HS6ST3: variants seen among roughly 807,000 people sequenced by gnomAD.
HS6ST3 encodes heparan-sulfate 6-O-sulfotransferase 3.
Under a neutral mutation model 36.7 loss-of-function variants are expected in HS6ST3, and 12 were observed. The ratio of observed to expected loss-of-function variants is 0.33; its 90% CI spans 0.21 to 0.53. The LOEUF is 0.53. Ranked by LOEUF, HS6ST3 falls within the 20% of genes least tolerant of loss-of-function variation. The pLI is 0.95. For missense variants in HS6ST3, 584 were observed against 640.9 expected, an observed-to-expected ratio of 0.91 and a Z score of 0.96; for synonymous variants, 240 against 257.5, an observed-to-expected ratio of 0.93 and a Z score of 0.65.
In HS6ST3 at chr13:96,199,853, A is replaced by AT. The variant is rs35926456; in HGVS notation, c.707+108295dup. On this transcript the variant is annotated intron_variant, in intron 1 of 1. Coordinates refer to ENST00000376705, the MANE Select transcript of HS6ST3 (RefSeq NM_153456.4). Reference sequence around the variant, plus strand: ...AAAGGATGTGCAGATTCTGGCTCATATTTTTTTTTTTATATAGCTTTCTAG... The same window carrying AT: ...AAAGGATGTGCAGATTCTGGCTCATATTTTTTTTTTTTATATAGCTTTCTAG... Among the ~76,000 whole-genome samples, 170 of 146,986 alleles carry AT rather than the reference A, an allele frequency of 1.2e-3. 5 individuals are homozygous for AT. The East Asian group carries it at 0.014, about 12-fold the overall frequency.
At chr13:96,145,360 A>T (rs1473348034) in intron 1 of HS6ST3, among the ~76,000 whole-genome samples, 2 of 150,414 alleles carry the variant, frequency 1.3e-5, no homozygotes, top group Middle Eastern at 3.2e-3. Context: ...CTGGTGTGAG[A>T]TGGTATCTCA....
chr13:96,201,328 G>A (rs1406754850), intron 1 of HS6ST3, among the ~76,000 whole-genome samples: 1 of 152,034 alleles, frequency 6.6e-6, no homozygotes, highest in Non-Finnish European at 1.5e-5. Context: ...TCCTTGCGTG[G>A]AGGAAGCCAT....
chr13:96,750,403 G>A (rs914385364), intron 1 of HS6ST3, among the ~76,000 whole-genome samples: 1 of 152,166 alleles, frequency 6.6e-6, no homozygotes, highest in African/African-American at 2.4e-5. Context: ...TTCCTCACTG[G>A]GTGAAGGAGA....
At chr13:96,384,782 A>G (rs1036122038) in intron 1 of HS6ST3, among the ~76,000 whole-genome samples, 5 of 152,156 alleles carry the variant, frequency 3.3e-5, no homozygotes, top group African/African-American at 1.2e-4. Context: ...GATTGCATCC[A>G]CTTACTACCC....
chr13:96,539,620 G>T (rs979763095), intron 1 of HS6ST3, among the ~76,000 whole-genome samples: 1 of 152,136 alleles, frequency 6.6e-6, no homozygotes, highest in Non-Finnish European at 1.5e-5. Context: ...CTCCCAAAGT[G>T]CTGGGATTAC....
chr13:96,184,576 A>G (rs988856801), intron 1 of HS6ST3, among the ~76,000 whole-genome samples: 5 of 152,032 alleles, frequency 3.3e-5, no homozygotes, highest in Admixed American at 2.0e-4. Flanking sequence ...CTGTTCTTCA[A>G]TCATGTCCTT....
intron 1 of HS6ST3, among the ~76,000 whole-genome samples, chr13:96,139,541 GAAAAAAAAAA>G (rs57777280): frequency 9.1e-5 from 6 of 66,264 alleles, no homozygotes; most frequent in Admixed American, 4.7e-4. Context: ...GTAAGATTCA[GAAAAAAAAAA>G]AAAAAAAAAA....
intron 1 of HS6ST3, among the ~76,000 whole-genome samples, chr13:96,536,236 G>T (rs2056154830): frequency 6.6e-6 from 1 of 152,146 alleles, no homozygotes; most frequent in African/African-American, 2.4e-5. Flanking sequence ...GTATCTCTTG[G>T]AAACACTTAG....
chr13:96,557,912 C>G (rs1402884247), intron 1 of HS6ST3, among the ~76,000 whole-genome samples: 2 of 152,156 alleles, frequency 1.3e-5, no homozygotes, highest in Non-Finnish European at 2.9e-5. Context: ...CTCTCTGTCC[C>G]TCAATTTACT....
At chr13:96,535,852 C>T (rs2056153266) in intron 1 of HS6ST3, among the ~76,000 whole-genome samples, 1 of 152,106 alleles carries the variant, frequency 6.6e-6, no homozygotes, top group African/African-American at 2.4e-5. Context: ...AAGCAAAGTC[C>T]CTTTCCTAAT....
chr13:96,147,961 C>T (rs932602227), intron 1 of HS6ST3, among the ~76,000 whole-genome samples: 3 of 152,166 alleles, frequency 2.0e-5, no homozygotes, highest in African/African-American at 7.2e-5. Context: ...GGACAATTTT[C>T]AAATTGCAAA....
chr13:96,538,224 A>G (rs1387624579), intron 1 of HS6ST3, among the ~76,000 whole-genome samples: 1 of 152,248 alleles, frequency 6.6e-6, no homozygotes, highest in Non-Finnish European at 1.5e-5. Context: ...GCAGAAACAG[A>G]TGCTATTTTA....
At chr13:96,144,637 A>T (rs1012896346) in intron 1 of HS6ST3, among the ~76,000 whole-genome samples, 1 of 151,502 alleles carries the variant, frequency 6.6e-6, no homozygotes, top group Admixed American at 6.6e-5. Flanking sequence ...TATTTTATTT[A>T]ATTAATTTTT....
intron 1 of HS6ST3, among the ~76,000 whole-genome samples, chr13:96,383,992 G>C (rs896845817): frequency 6.6e-6 from 1 of 152,178 alleles, no homozygotes; most frequent in Non-Finnish European, 1.5e-5. Flanking sequence ...GCTCACAACA[G>C]TGTGGGAGTG....
chr13:96,110,712 C>A (rs931304195), intron 1 of HS6ST3, among the ~76,000 whole-genome samples: 6 of 152,132 alleles, frequency 3.9e-5, no homozygotes, highest in African/African-American at 1.4e-4. Context: ...GCGTGAGCCA[C>A]CACGCCTGGC....
At chr13:96,163,203 G>C (rs1594700059) in intron 1 of HS6ST3, among the ~76,000 whole-genome samples, 1 of 148,468 alleles carries the variant, frequency 6.7e-6, no homozygotes. Context: ...GTGCATTCTG[G>C]TGTTTAAGTC....
At chr13:96,758,099 A>G (rs1876877966) in intron 1 of HS6ST3, among the ~76,000 whole-genome samples, 1 of 151,876 alleles carries the variant, frequency 6.6e-6, no homozygotes, top group Non-Finnish European at 1.5e-5. Flanking sequence ...TTTATTATGA[A>G]TTTAATTCCT....
chr13:96,188,650 C>T (rs1433963975), intron 1 of HS6ST3, among the ~76,000 whole-genome samples: 1 of 152,110 alleles, frequency 6.6e-6, no homozygotes, highest in Non-Finnish European at 1.5e-5. Context: ...TGTGAGTCCT[C>T]AAAATGGCAT....
At chr13:96,610,217 C>G (rs886440680) in intron 1 of HS6ST3, among the ~76,000 whole-genome samples, 2 of 152,120 alleles carry the variant, frequency 1.3e-5, no homozygotes, top group African/African-American at 4.8e-5. Context: ...AATTAGCTAC[C>G]CTTCTGGGTC....
Sources: allele counts gnomAD v4.1 joint callset (sites outside exome capture counted in the v4.1 genomes callset), GRCh38; gene constraint gnomAD v4.1.1; transcripts MANE v1.5; gene names NCBI Gene and HGNC (gene_info 2026-07-23, HGNC 2026-07-21).